The following CXADR variants were observed in gnomAD, a reference collection of about 807,000 sequenced individuals.
CXADR encodes coxsackievirus and adenovirus receptor.
A neutral mutation model predicts 40.3 loss-of-function variants in CXADR; 20 were observed. That is an observed-to-expected ratio of 0.50 (90% CI 0.35 to 0.72). The LOEUF (loss-of-function observed/expected upper bound fraction) is 0.72, where lower values mean the gene tolerates loss of function less well. Ranked by LOEUF, CXADR falls within the 30% of genes least tolerant of loss-of-function variation. CXADR has a pLI of 0.01. For synonymous variants in CXADR, 150 were observed against 161.3 expected (o/e 0.93, Z 0.53); for missense variants, 332 against 449.1 (o/e 0.74, Z 2.36).
intron 7 of CXADR, among the ~76,000 whole-genome samples, chr21:17,577,666 C>T (rs908475894): frequency 9.4e-6 from 1 of 106,382 alleles, no homozygotes; most frequent in Non-Finnish European, 1.8e-5. Flanking sequence ...CTCTAGAACA[C>T]AATTTAAGAA....
At chr21:17,551,140 C>CTA (rs1457513967) in intron 2 of CXADR, among the ~76,000 whole-genome samples, 1 of 152,092 alleles carries the variant, frequency 6.6e-6, no homozygotes, top group Non-Finnish European at 1.5e-5. Flanking sequence ...TGACTCACAC[C>CTA]TATAATCACA....
chr21:17,626,176 T>C, the CXADR span, among the ~76,000 whole-genome samples: 1 of 152,228 alleles, frequency 6.6e-6, no homozygotes, highest in South Asian at 2.1e-4. Context: ...GACAGACTAT[T>C]TTAGAGTTAC....
chr21:17,608,964 T>C, the CXADR span: 2 of 1,610,472 alleles, frequency 1.2e-6, no homozygotes, highest in African/African-American at 2.7e-5. Flanking sequence ...TCCAATCTAA[T>C]CCTTTACCTG....
chr21:17,523,180 CATGCCG>C (rs2060552831), intron 1 of CXADR, among the ~76,000 whole-genome samples: 1 of 152,158 alleles, frequency 6.6e-6, no homozygotes. Context: ...CTTTATCAAG[CATGCCG>C]ATACTGTCAT....
the CXADR span, among the ~76,000 whole-genome samples, chr21:17,633,496 A>AGT: frequency 6.6e-6 from 1 of 152,212 alleles, no homozygotes; most frequent in African/African-American, 2.4e-5. Flanking sequence ...CGGAGGCTGC[A>AGT]GTGAGCTGTG....
At chr21:17,556,755 A>G (rs955812976) in intron 3 of CXADR, among the ~76,000 whole-genome samples, 2 of 152,232 alleles carry the variant, frequency 1.3e-5, no homozygotes, top group African/African-American at 4.8e-5. Flanking sequence ...CAGTGCAGTT[A>G]AATATGTGTT....
Position 17,566,467 on chromosome 21 carries a change from G to A in CXADR, c.*775G>A, listed in dbSNP as rs1216861606. Reference sequence around the variant, plus strand: ...TAGCAGGGATAGATTTTGTTGGTGAGTAGTCTCATGCCTTGAGATCTGTGG... The same window carrying A: ...TAGCAGGGATAGATTTTGTTGGTGAATAGTCTCATGCCTTGAGATCTGTGG... On this transcript the variant is annotated 3_prime_UTR_variant, in exon 7 of 7. Transcript: ENST00000284878. 1.0e-6 allele frequency: 1 copy of A among 985,322 alleles called. No individual in the cohort carries two copies. The highest frequency in any genetic ancestry group is 1.2e-6 in the Non-Finnish European group (1 of 829,942). The allele number at this position is 985,322 out of a possible 1,614,324, so 61.0% of individuals were successfully genotyped here.
rs540710171 is a variant in CXADR, at chr21:17,568,985, A to G, written c.*3293A>G. The G allele has an allele frequency of 4.9e-4, 479 of 983,832 alleles. 1 individual carries two copies. In the African/African-American group the frequency reaches 7.1e-3, roughly 15 times the overall value. 60.9% of individuals were successfully genotyped at this position (983,832 alleles called of 1,614,324 possible). ...GGATATAAAGAGATACCTGATTTTT[A>G]TTAAAAAGATACTTTTTCAAATTTA... is the stretch of plus-strand genomic sequence containing the variant. On this transcript the variant is annotated 3_prime_UTR_variant, in exon 7 of 7. Transcript: ENST00000284878.
chr21:17,535,040 C>T (rs944192420), intron 1 of CXADR, among the ~76,000 whole-genome samples: 1 of 152,098 alleles, frequency 6.6e-6, no homozygotes, highest in Non-Finnish European at 1.5e-5. Flanking sequence ...CCTTGGCCTC[C>T]GAAAGTGCTG....
At chr21:17,590,391 G>A (rs2061426611) in intron 7 of CXADR, among the ~76,000 whole-genome samples, 1 of 151,928 alleles carries the variant, frequency 6.6e-6, no homozygotes, top group African/African-American at 2.4e-5. Context: ...TTCCACTTTT[G>A]TCCTTATGTT....
intron 3 of CXADR, 37 bp from the exon 4 acceptor site, chr21:17,558,939 T>C: frequency 6.4e-7 from 1 of 1,574,686 alleles, no homozygotes; most frequent in Non-Finnish European, 8.6e-7. Context: ...TAAGTTCCAT[T>C]CTCTTATGTA....
At chr21:17,601,031 T>C in the CXADR span, among the ~76,000 whole-genome samples, 14 of 152,118 alleles carry the variant, frequency 9.2e-5, no homozygotes, top group South Asian at 2.5e-3. Context: ...GGCATGGTGG[T>C]GTGCGCCTGT....
chr21:17,559,366 G>A (rs2061077369), intron 4 of CXADR, among the ~76,000 whole-genome samples: 1 of 151,206 alleles, frequency 6.6e-6, no homozygotes, highest in South Asian at 2.1e-4. Flanking sequence ...TAAAAAATGT[G>A]TAGAGACAGG....
chr21:17,535,657 A>G (rs1334605604), intron 1 of CXADR, among the ~76,000 whole-genome samples: 1 of 152,166 alleles, frequency 6.6e-6, no homozygotes, highest in East Asian at 1.9e-4. Context: ...TATTAAGGTC[A>G]TATCCCCTTT....
At chr21:17,608,992 T>C in the CXADR span, 12 of 1,613,414 alleles carry the variant, frequency 7.4e-6, no homozygotes, top group South Asian at 5.5e-5. Context: ...GTCCTTTCGA[T>C]GGTTTTTCTG....
chr21:17,533,543 A>T (rs2060705236), intron 1 of CXADR, among the ~76,000 whole-genome samples: 1 of 152,182 alleles, frequency 6.6e-6, no homozygotes, highest in African/African-American at 2.4e-5. Context: ...AGTAGCTTAG[A>T]TGTGTCTCAG....
intron 7 of CXADR, among the ~76,000 whole-genome samples, chr21:17,581,918 G>GT (rs2061363190): frequency 2.8e-5 from 1 of 36,240 alleles, no homozygotes; most frequent in Non-Finnish European, 5.2e-5. Context: ...TAATTTGGGA[G>GT]GAGTTTGTTT....
At chr21:17,528,064 CTT>C (rs1457054547) in intron 1 of CXADR, among the ~76,000 whole-genome samples, 1 of 74,970 alleles carries the variant, frequency 1.3e-5, no homozygotes, top group African/African-American at 4.4e-5. Flanking sequence ...ATGCTTAGTT[CTT>C]TCTTTTTTTT....
chr21:17,547,114 C>A lies in CXADR; in HGVS notation c.131C>A (p.Thr44Lys), dbSNP rs374465561. 3 of 1,614,018 alleles carry A rather than the reference C, an allele frequency of 1.9e-6. No individual in the cohort carries two copies. Among genetic ancestry groups the A allele is most frequent in the Non-Finnish European group, 1.7e-6 (2 of 1,180,038 alleles). The part of the protein sequence containing the change: ...GETAYLPCKF[T>K]LSPEDQGPLD... ...ACTGCCTATCTGCCATGCAAATTTA[C>A]GCTTAGTCCCGAAGACCAGGGACCG... is the stretch of plus-strand genomic sequence containing the variant. The change falls in exon 2 of 7, where the codon ACG (threonine) becomes AAG (lysine). Residue 44 changes from threonine to lysine, a missense_variant. Coordinates refer to ENST00000284878, the MANE Select transcript of CXADR (RefSeq NM_001338.5).
Sources: allele counts gnomAD v4.1 joint callset (sites outside exome capture counted in the v4.1 genomes callset), GRCh38; gene constraint gnomAD v4.1.1; transcripts MANE v1.5; gene names NCBI Gene and HGNC (gene_info 2026-07-23, HGNC 2026-07-21).